Variants in LRP1B observed in about 807,000 individuals in gnomAD.
LRP1B encodes the protein LDL receptor related protein 1B.
In LRP1B, 217 loss-of-function variants were observed where a neutral mutation model predicts 556.6. The ratio of observed to expected loss-of-function variants is 0.39; its 90% CI spans 0.35 to 0.44. LRP1B has a LOEUF of 0.44. Ranked by LOEUF, LRP1B falls within the 20% of genes least tolerant of loss-of-function variation. LRP1B has a pLI of 1.00. For synonymous variants in LRP1B, 2,047 were observed against 1,865.8 expected (o/e 1.10, Z -2.50); for missense variants, 5,053 against 5,620.8 (o/e 0.90, Z 3.23).
intron 2 of LRP1B, among the ~76,000 whole-genome samples, chr2:141,756,427 G>T (rs111862769): frequency 0.023 from 3,493 of 151,860 alleles, 65 homozygotes; most frequent in Admixed American, 0.068. Context: ...CATTCATCCA[G>T]GACTTATTAT....
chr2:140,642,580 A>G (rs1225386035), intron 41 of LRP1B, among the ~76,000 whole-genome samples: 1 of 152,094 alleles, frequency 6.6e-6, no homozygotes, highest in African/African-American at 2.4e-5. Context: ...GGTGGCTCAC[A>G]CCTGTAATCC....
In LRP1B at chr2:140,842,553, A is replaced by C. The variant is rs200993885; in HGVS notation, c.4940-1461T>G. Among the ~76,000 whole-genome samples, 24 of 152,232 alleles carry C rather than the reference A, an allele frequency of 1.6e-4. No individual in the cohort carries two copies. The East Asian group carries it at 4.6e-3, about 29-fold the overall frequency. On this transcript the variant is annotated intron_variant, in intron 29 of 90. Coordinates refer to ENST00000389484, the MANE Select transcript of LRP1B (RefSeq NM_018557.3). Reference sequence around the variant, plus strand: ...AATTTCAAATGTAAACTTGTTTCTCAATCTTAAACTTCACATTTCTTCTTA... The same window carrying C: ...AATTTCAAATGTAAACTTGTTTCTCCATCTTAAACTTCACATTTCTTCTTA...
At chr2:141,023,284 A>T (rs1314437123) in intron 11 of LRP1B, among the ~76,000 whole-genome samples, 1 of 151,760 alleles carries the variant, frequency 6.6e-6, no homozygotes, top group South Asian at 2.1e-4. Context: ...CACATATCTC[A>T]TTCAAATTTA....
intron 1 of LRP1B, among the ~76,000 whole-genome samples, chr2:141,862,429 A>T (rs949125278): frequency 6.6e-6 from 1 of 152,178 alleles, no homozygotes; most frequent in Admixed American, 6.5e-5. Context: ...CGTGAAAAAA[A>T]ATATATATGC....
chr2:141,246,404 C>T (rs958255101), intron 5 of LRP1B, among the ~76,000 whole-genome samples: 2 of 152,152 alleles, frequency 1.3e-5, no homozygotes, highest in East Asian at 3.9e-4. Context: ...TGATACCAGG[C>T]CATTAGGCCC....
intron 2 of LRP1B, among the ~76,000 whole-genome samples, chr2:141,640,633 C>A (rs1689295323): frequency 6.6e-6 from 1 of 151,992 alleles, no homozygotes; most frequent in African/African-American, 2.4e-5. Context: ...TGGTGAAACC[C>A]ACCTACAAAA....
At chr2:141,282,216 G>A (rs1010181357) in intron 3 of LRP1B, among the ~76,000 whole-genome samples, 9 of 151,966 alleles carry the variant, frequency 5.9e-5, no homozygotes, top group East Asian at 1.9e-4. Context: ...TATAAAGCAC[G>A]TAATATAATT....
chr2:141,137,232 T>C (rs1265015554), intron 7 of LRP1B, among the ~76,000 whole-genome samples: 1 of 151,968 alleles, frequency 6.6e-6, no homozygotes, highest in East Asian at 1.9e-4. Context: ...CTAATAGACT[T>C]AGCATTAGGA....
intron 2 of LRP1B, among the ~76,000 whole-genome samples, chr2:141,577,502 T>C (rs1686794574): frequency 6.6e-6 from 1 of 152,034 alleles, no homozygotes; most frequent in Non-Finnish European, 1.5e-5. Context: ...AGTCTGGAAG[T>C]GGATTGAGCT....
At position 141,963,549 on chromosome 2, in the gene LRP1B, C is replaced by T. The variant is rs1701467875; in HGVS notation, c.83-153148G>A. Reference sequence around the variant, plus strand: ...CCTTTGACAAAATTCAACAACCCTTCATGCTAAAAACTCTCAATAAATTAG... The same window carrying T: ...CCTTTGACAAAATTCAACAACCCTTTATGCTAAAAACTCTCAATAAATTAG... On this transcript the variant is annotated intron_variant, in intron 1 of 90. Coordinates refer to ENST00000389484, the MANE Select transcript of LRP1B (RefSeq NM_018557.3). 5.9e-5 allele frequency among the ~76,000 whole-genome samples: 9 copies of T among 151,762 alleles called. No individual in the cohort carries two copies. In the South Asian group the frequency reaches 1.9e-3, roughly 32 times the overall value.
chr2:140,748,591 G>GCA lies in LRP1B; in HGVS notation c.5758+20621_5758+20622insTG, dbSNP rs1553521873. Among the ~76,000 whole-genome samples the GCA allele has an allele frequency of 5.4e-3, 399 of 73,324 alleles. 1 individual carries two copies. The highest frequency in any genetic ancestry group is 0.011 in the Middle Eastern group (1 of 90). 48.1% of individuals were successfully genotyped at this position (73,324 alleles called of 152,430 possible). On this transcript the variant is annotated intron_variant, in intron 35 of 90. Transcript: ENST00000389484. Reference sequence around the variant, plus strand: ...AAACATAGTTATACATATACAGTGTGTATATATATATATATATATATATAT... The same window carrying GCA: ...AAACATAGTTATACATATACAGTGTGCATATATATATATATATATATATATAT...
chr2:140,964,260 G>A (rs1387677479), intron 18 of LRP1B, among the ~76,000 whole-genome samples: 1 of 152,162 alleles, frequency 6.6e-6, no homozygotes, highest in Non-Finnish European at 1.5e-5. Context: ...GTACAGGATG[G>A]AACATGAAGG....
chr2:140,735,539 A>T (rs1687918086), intron 35 of LRP1B, among the ~76,000 whole-genome samples: 1 of 152,108 alleles, frequency 6.6e-6, no homozygotes, highest in Non-Finnish European at 1.5e-5. Context: ...AAAACCAGGG[A>T]CCTGGTTGGA....
At chr2:141,541,098 TAACAAG>T (rs1288974217) in intron 2 of LRP1B, among the ~76,000 whole-genome samples, 5 of 151,980 alleles carry the variant, frequency 3.3e-5, no homozygotes, top group African/African-American at 4.8e-5. Context: ...AAAACATGAA[TAACAAG>T]TCTACTTACT....
chr2:140,979,098 G>C (rs1442376982), intron 18 of LRP1B, among the ~76,000 whole-genome samples: 1 of 152,010 alleles, frequency 6.6e-6, no homozygotes, highest in Non-Finnish European at 1.5e-5. Flanking sequence ...TCCCACCTCA[G>C]CCTCTCGAGT....
Position 140,923,069 on chromosome 2 carries a change from C to G in LRP1B, c.3215G>C (p.Arg1072Pro), listed in dbSNP as rs370586151. 2 of 1,612,994 alleles carry G rather than the reference C, an allele frequency of 1.2e-6. No homozygotes were observed. Among genetic ancestry groups the G allele is most frequent in the Non-Finnish European group, 1.7e-6 (2 of 1,179,372 alleles). ...PDGNCVPDLW[R>P]CDGEKDCEDG... is the part of the protein sequence containing the mutation. ...TTCACAGTCTTTTTCTCCATCACAGCGCCACAAATCAGGAACGCAATTACC... is the reference window on the plus strand; with the variant it reads ...TTCACAGTCTTTTTCTCCATCACAGGGCCACAAATCAGGAACGCAATTACC... Residue 1072 changes from arginine (R) to proline (P), a missense_variant, in exon 21 of 91, where the codon CGC (arginine) becomes CCC (proline). Coordinates refer to ENST00000389484, the MANE Select transcript of LRP1B (RefSeq NM_018557.3).
intron 7 of LRP1B, among the ~76,000 whole-genome samples, chr2:141,124,042 G>T (rs1701135082): frequency 6.6e-6 from 1 of 152,020 alleles, no homozygotes; most frequent in Admixed American, 6.6e-5. Flanking sequence ...TGAGAGAAGT[G>T]AGAAAAGAAA....
intron 1 of LRP1B, among the ~76,000 whole-genome samples, chr2:142,098,954 A>T (rs11680286): frequency 6.6e-6 from 1 of 151,512 alleles, no homozygotes; most frequent in Non-Finnish European, 1.5e-5. Context: ...ATTAGAACTC[A>T]ATTTTCTCCT....
chr2:141,254,161 A>T (rs1345634204), intron 4 of LRP1B, among the ~76,000 whole-genome samples: 1 of 152,130 alleles, frequency 6.6e-6, no homozygotes, highest in African/African-American at 2.4e-5. Context: ...ACATTACATG[A>T]TTAGCAATTA....
Sources: gnomAD v4.1 joint callset for allele counts (sites outside exome capture counted in the v4.1 genomes callset) on GRCh38, gnomAD v4.1.1 for gene constraint, MANE v1.5 for transcripts, NCBI Gene and HGNC (gene_info 2026-07-23, HGNC 2026-07-21) for gene names.